Variants in STAT5B observed in about 807,000 individuals in gnomAD.
STAT5B encodes the protein signal transducer and activator of transcription 5B, also known as transcription factor STAT5B.
Under a neutral mutation model 107.8 loss-of-function variants are expected in STAT5B, and 21 were observed. The ratio of observed to expected loss-of-function variants is 0.19; its 90% CI spans 0.14 to 0.28. The LOEUF (loss-of-function observed/expected upper bound fraction) is 0.28, where lower values mean the gene tolerates loss of function less well. Among genes scored for constraint, STAT5B ranks in the 10% least tolerant of loss-of-function variants. STAT5B has a pLI of 1.00. For missense variants in STAT5B, 565 were observed against 1,008.2 expected, an observed-to-expected ratio of 0.56 and a Z score of 5.95; for synonymous variants, 325 against 401.7, an observed-to-expected ratio of 0.81 and a Z score of 2.28.
chr17:42,262,694 C>A (rs578153990), intron 1 of STAT5B, among the ~76,000 whole-genome samples: 1 of 148,596 alleles, frequency 6.7e-6, no homozygotes, highest in East Asian at 2.0e-4. Context: ...CAAACTCAAC[C>A]ATTTTTTTCA....
intron 1 of STAT5B, among the ~76,000 whole-genome samples, chr17:42,266,659 G>A (rs769251922): frequency 6.6e-6 from 1 of 151,636 alleles, no homozygotes; most frequent in Non-Finnish European, 1.5e-5. Flanking sequence ...AGGTGTGGAG[G>A]TGGAGGTGGG....
chr17:42,240,921 C>A (rs1324118186), intron 1 of STAT5B, among the ~76,000 whole-genome samples: 1 of 152,160 alleles, frequency 6.6e-6, no homozygotes, highest in African/African-American at 2.4e-5. Context: ...GGCTGGGTGA[C>A]AGATCAAAGA....
At chr17:42,232,821 A>G (rs912430747) in intron 1 of STAT5B, among the ~76,000 whole-genome samples, 7 of 151,998 alleles carry the variant, frequency 4.6e-5, no homozygotes, top group African/African-American at 1.7e-4. Flanking sequence ...TTTCAACAGT[A>G]ATAAATAATT....
upstream of STAT5B, among the ~76,000 whole-genome samples, chr17:42,281,168 C>T (rs1346873813): frequency 2.0e-5 from 3 of 151,196 alleles, no homozygotes; most frequent in Non-Finnish European, 4.4e-5. Flanking sequence ...CAAAAAAAAA[C>T]TAGCTGTGTG....
In STAT5B at chr17:42,202,067, G is replaced by C. The variant is rs2080049043; in HGVS notation, c.2238-203C>G. On this transcript the variant is annotated intron_variant, in intron 18 of 18. Transcript: ENST00000293328. ...TCCCCTGTTACCTCTCACACCGGCT[G>C]TCCAGACACATCACAACTCCACTCA... 1.3e-5 allele frequency: 8 copies of C among 639,204 alleles called. No homozygotes were observed. In the South Asian group the frequency reaches 1.5e-4, roughly 12 times the overall value. The allele number at this position is 639,204 out of a possible 1,614,324, so 39.6% of individuals were successfully genotyped here.
At position 42,218,221 on chromosome 17, in the gene STAT5B, G is replaced by C; in HGVS notation, c.1099C>G (p.Pro367Ala). 2 of 1,614,218 alleles carry C rather than the reference G, an allele frequency of 1.2e-6. No individual in the cohort carries two copies. Among genetic ancestry groups the C allele is most frequent in the East Asian group, 2.2e-5 (1 of 44,890 alleles). The part of the protein sequence containing the change: ...GGKLNVHMNP[P>A]QVKATIISEQ... ...CTGATGATGGTGGCCTTCACCTGGG[G>C]GGGGTTCATGTGCACGTTCAGCTTC... The change falls in exon 9 of 19, where the codon CCC (proline) becomes GCC (alanine). Residue 367 changes from proline (P) to alanine (A), a missense_variant. By Grantham distance (27) the Pro-to-Ala change is conservative. This residue lies in a region of STAT5B where 70 missense variants were observed against 73.2 expected (regional missense o/e 0.96). Transcript: ENST00000293328.
At chr17:42,207,340 A>G (rs1233098070) in intron 16 of STAT5B, among the ~76,000 whole-genome samples, 2 of 152,106 alleles carry the variant, frequency 1.3e-5, no homozygotes, top group East Asian at 1.9e-4. Flanking sequence ...CTTCAATTTG[A>G]TATTTGGGGT....
chr17:42,210,772 G>C (rs150571091), intron 13 of STAT5B, among the ~76,000 whole-genome samples: 1 of 152,170 alleles, frequency 6.6e-6, no homozygotes, highest in Admixed American at 6.5e-5. Flanking sequence ...TGCTAGTTTC[G>C]ATGTGTGGTC....
intron 1 of STAT5B, among the ~76,000 whole-genome samples, chr17:42,251,468 G>C (rs917005497): frequency 1.3e-5 from 2 of 152,054 alleles, no homozygotes; most frequent in African/African-American, 4.8e-5. Flanking sequence ...CTTTCTAATG[G>C]CAGAAAACAT....
chr17:42,203,286 A>C (rs2080060558), intron 16 of STAT5B, among the ~76,000 whole-genome samples: 1 of 152,210 alleles, frequency 6.6e-6, no homozygotes, highest in Non-Finnish European at 1.5e-5. Context: ...GTAGAGGAGA[A>C]GGTCAGCACT....
At chr17:42,279,665 G>A (rs1221522816), upstream of STAT5B, among the ~76,000 whole-genome samples, 1 of 152,136 alleles carries the variant, frequency 6.6e-6, no homozygotes, top group African/African-American at 2.4e-5. Context: ...TGCCATTACA[G>A]GATTACATGC....
intron 1 of STAT5B, among the ~76,000 whole-genome samples, chr17:42,273,555 A>C (rs1481608338): frequency 6.6e-6 from 1 of 152,196 alleles, no homozygotes; most frequent in East Asian, 1.9e-4. Context: ...TCTTAACAGA[A>C]AGGGAAAAAA....
intron 1 of STAT5B, among the ~76,000 whole-genome samples, chr17:42,244,092 C>CTTTTT: frequency 7.1e-6 from 1 of 140,740 alleles, no homozygotes; most frequent in Non-Finnish European, 1.5e-5. Context: ...CTTTTCTTTT[C>CTTTTT]TTTTTTTTTT....
the STAT5B span, among the ~76,000 whole-genome samples, chr17:42,287,335 C>CCCCA: frequency 6.6e-6 from 1 of 150,764 alleles, no homozygotes; most frequent in Non-Finnish European, 1.5e-5. Flanking sequence ...AATGCACCCC[C>CCCCA]CCCAACAGAA....
chr17:42,209,015 G>A (rs2080107824), intron 15 of STAT5B, among the ~76,000 whole-genome samples: 1 of 149,356 alleles, frequency 6.7e-6, no homozygotes, highest in Non-Finnish European at 1.5e-5. Flanking sequence ...TTACAGGCGT[G>A]AGCCACCGCA....
chr17:42,284,105 C>G, the STAT5B span, among the ~76,000 whole-genome samples: 1 of 152,070 alleles, frequency 6.6e-6, no homozygotes, highest in African/African-American at 2.4e-5. Context: ...ACTTGGAGCA[C>G]AGGAAACAAA....
chr17:42,278,554 G>A (rs2080781886), upstream of STAT5B, among the ~76,000 whole-genome samples: 1 of 152,020 alleles, frequency 6.6e-6, no homozygotes, highest in African/African-American at 2.4e-5. Flanking sequence ...CAGTCTCACA[G>A]AAAAAGGTCT....
At chr17:42,223,188 G>A (rs565992948) in intron 5 of STAT5B, among the ~76,000 whole-genome samples, 194 bp downstream of exon 5, 9 of 148,022 alleles carry the variant, frequency 6.1e-5, no homozygotes, top group East Asian at 3.9e-4. Context: ...GCACTTAAGC[G>A]GGGGGTCCTG....
the STAT5B span, among the ~76,000 whole-genome samples, chr17:42,282,646 T>A: frequency 3.3e-5 from 5 of 152,202 alleles, no homozygotes; most frequent in Admixed American, 6.5e-5. Context: ...GGCCTGTGAC[T>A]GGGTCTTAAC....
Sources: allele counts gnomAD v4.1 joint callset (sites outside exome capture counted in the v4.1 genomes callset), GRCh38; gene constraint gnomAD v4.1.1; regional missense constraint gnomAD v4.1.1; transcripts MANE v1.5; gene names NCBI Gene and HGNC (gene_info 2026-07-23, HGNC 2026-07-21).